Variants in WDPCP observed in about 807,000 individuals in gnomAD.
The protein encoded by WDPCP is WD repeat containing planar cell polarity effector, also known as WD repeat-containing and planar cell polarity effector protein fritz homolog.
Under a neutral mutation model 93.1 loss-of-function variants are expected in WDPCP, and 71 were observed. The ratio of observed to expected loss-of-function variants is 0.76; its 90% CI spans 0.63 to 0.93. The LOEUF is 0.93. WDPCP is among the 40% of genes least tolerant of loss of function. The pLI, the probability that WDPCP is intolerant of heterozygous loss-of-function variation, is 0.00. For missense variants in WDPCP, 844 were observed against 887.4 expected, an observed-to-expected ratio of 0.95 and a Z score of 0.62; for synonymous variants, 315 against 315.0, an observed-to-expected ratio of 1.00 and a Z score of 0.00.
chr2:63,476,677 A>G (rs1190339030), intron 6 of WDPCP, among the ~76,000 whole-genome samples: 3 of 152,196 alleles, frequency 2.0e-5, no homozygotes, highest in African/African-American at 7.2e-5. Flanking sequence ...GTTGAAATCA[A>G]TAAATACTGT....
chr2:63,229,042 C>G lies in WDPCP; in HGVS notation c.1915+30265G>C, dbSNP rs573484224. 21 of 152,246 alleles carry G rather than the reference C, an allele frequency of 1.4e-4. No homozygotes were observed. In the South Asian group the frequency reaches 3.7e-3, roughly 27 times the overall value. The allele number at this position is 152,246 out of a possible 1,614,324, so 9.4% of individuals were successfully genotyped here. On this transcript the variant is annotated intron_variant, in intron 14 of 17. Coordinates refer to ENST00000272321, the MANE Select transcript of WDPCP (RefSeq NM_015910.7). ...CACAATGGTTGAACTAGTTTACAGT[C>G]CCACCAACAGTGTAAAAGTGTTCCT...
intron 6 of WDPCP, among the ~76,000 whole-genome samples, chr2:63,464,667 AATGTAGATACCCAT>A (rs1157485110): frequency 2.0e-5 from 3 of 152,132 alleles, no homozygotes; most frequent in Non-Finnish European, 2.9e-5. Context: ...GAGAAAAAAA[AATGTAGATACCCAT>A]ACACTGGAAC....
the WDPCP span, among the ~76,000 whole-genome samples, chr2:63,839,497 G>A: frequency 1.3e-5 from 2 of 152,274 alleles, no homozygotes; most frequent in African/African-American, 2.4e-5. Flanking sequence ...GGCGGAGGTT[G>A]CAGTGAGCCT....
intron 2 of WDPCP, among the ~76,000 whole-genome samples, chr2:63,800,107 G>T (rs957133878): frequency 6.6e-6 from 1 of 151,958 alleles, no homozygotes; most frequent in Non-Finnish European, 1.5e-5. Context: ...AAGAGTCTTT[G>T]TGAATATTCA....
At chr2:63,752,208 T>C (rs1452136392) in intron 2 of WDPCP, 6 of 668,710 alleles carry the variant, frequency 9.0e-6, no homozygotes, top group South Asian at 1.5e-5. Flanking sequence ...TTTTTTTTTT[T>C]GCCACTGCCT....
chr2:63,521,333 C>T (rs1287991446), intron 1 of WDPCP, among the ~76,000 whole-genome samples: 3 of 152,088 alleles, frequency 2.0e-5, no homozygotes. Context: ...GCATTAGACC[C>T]ATAAGCTCAA....
intron 2 of WDPCP, among the ~76,000 whole-genome samples, chr2:63,719,774 T>G (rs1030088746): frequency 6.6e-6 from 1 of 152,108 alleles, no homozygotes; most frequent in African/African-American, 2.4e-5. Context: ...TTTATAAAAG[T>G]TTATGTTATA....
At chr2:63,635,003 CAG>C in intron 3 of WDPCP, among the ~76,000 whole-genome samples, 1 of 151,930 alleles carries the variant, frequency 6.6e-6, no homozygotes, top group Non-Finnish European at 1.5e-5. Context: ...GTAAGAAAAA[CAG>C]AGAAGACTTG....
chr2:63,332,216 A>G (rs1688032259), intron 12 of WDPCP, among the ~76,000 whole-genome samples: 1 of 151,794 alleles, frequency 6.6e-6, no homozygotes, highest in Admixed American at 6.6e-5. Flanking sequence ...ATATAAATAT[A>G]TATCTCCCCC....
At chr2:63,774,106 G>A (rs892848279) in intron 2 of WDPCP, among the ~76,000 whole-genome samples, 1 of 152,068 alleles carries the variant, frequency 6.6e-6, no homozygotes, top group Non-Finnish European at 1.5e-5. Context: ...TATATGCAAA[G>A]TAAAACAGGT....
chr2:63,816,858 AG>A (rs1670939754), intron 1 of WDPCP, among the ~76,000 whole-genome samples: 1 of 152,184 alleles, frequency 6.6e-6, no homozygotes, highest in South Asian at 2.1e-4. Flanking sequence ...GTTGAGTAAA[AG>A]AAGCCATACA....
At chr2:63,814,732 G>A (rs1455868011) in intron 1 of WDPCP, among the ~76,000 whole-genome samples, 1 of 152,154 alleles carries the variant, frequency 6.6e-6, no homozygotes, top group Non-Finnish European at 1.5e-5. Context: ...ACAGCACTAT[G>A]TGTCTTTAAA....
At chr2:63,831,551 T>G (rs1042821931), upstream of WDPCP, among the ~76,000 whole-genome samples, 5 of 152,192 alleles carry the variant, frequency 3.3e-5, no homozygotes, top group Non-Finnish European at 5.9e-5. Flanking sequence ...TGATGCTAAA[T>G]GTATTTAACA....
At chr2:63,308,879 C>G (rs1575110389) in intron 13 of WDPCP, among the ~76,000 whole-genome samples, 1 of 151,876 alleles carries the variant, frequency 6.6e-6, no homozygotes, top group African/African-American at 2.4e-5. Context: ...GTCCAAGAAC[C>G]TAAAGTATAA....
chr2:63,276,787 A>G (rs1284843524), intron 13 of WDPCP, among the ~76,000 whole-genome samples: 2 of 152,248 alleles, frequency 1.3e-5, no homozygotes, highest in Non-Finnish European at 2.9e-5. Flanking sequence ...GAAATCTAAA[A>G]GTCTGGAAAA....
intron 3 of WDPCP, among the ~76,000 whole-genome samples, chr2:63,615,145 C>G (rs1345705389): frequency 6.6e-6 from 1 of 152,190 alleles, no homozygotes; most frequent in Non-Finnish European, 1.5e-5. Context: ...TAACAAAGAG[C>G]AGCCTGGAAG....
At chr2:63,531,111 G>T (rs530228609) in intron 1 of WDPCP, among the ~76,000 whole-genome samples, 1 of 152,212 alleles carries the variant, frequency 6.6e-6, no homozygotes, top group Admixed American at 6.5e-5. Flanking sequence ...GTCCAAGATC[G>T]AACTGTGAGG....
chr2:63,751,589 C>A, intron 2 of WDPCP: 1 of 453,416 alleles, frequency 2.2e-6, no homozygotes, highest in South Asian at 1.7e-5. Context: ...TAGGCCCTGC[C>A]ACCACTGTGC....
intron 14 of WDPCP, among the ~76,000 whole-genome samples, chr2:63,209,353 TG>T (rs1187985268): frequency 2.0e-5 from 3 of 152,232 alleles, no homozygotes; most frequent in Non-Finnish European, 2.9e-5. Context: ...CATCCATTCA[TG>T]CGTGTCACTA....
Sources: gnomAD v4.1 joint callset for allele counts (sites outside exome capture counted in the v4.1 genomes callset) on GRCh38, gnomAD v4.1.1 for gene constraint, MANE v1.5 for transcripts, NCBI Gene and HGNC (gene_info 2026-07-23, HGNC 2026-07-21) for gene names.